RUNDC3B: variants seen among roughly 807,000 people sequenced by gnomAD.
RUNDC3B encodes RUN domain-containing protein 3B.
In RUNDC3B, 33 loss-of-function variants were observed where a neutral mutation model predicts 58.4. That is an observed-to-expected ratio of 0.56 (90% CI 0.43 to 0.75). RUNDC3B has a LOEUF of 0.75. RUNDC3B is among the 30% of genes least tolerant of loss of function. The probability of loss-of-function intolerance (pLI) is 0.00; values close to 1 mark genes in which losing one functional copy is unlikely to be tolerated. For missense variants in RUNDC3B, 501 were observed against 535.7 expected (o/e 0.94, Z 0.64); for synonymous variants, 193 against 195.2 (o/e 0.99, Z 0.10).
At chr7:87,736,855 CTA>C (rs1554479935) in intron 4 of RUNDC3B, among the ~76,000 whole-genome samples, 2,129 of 36,216 alleles carry the variant, frequency 0.059, 136 homozygotes, top group Middle Eastern at 0.095. Context: ...ATATATATAC[CTA>C]TATATATATA....
At chr7:87,774,595 A>G (rs1055960189) in intron 7 of RUNDC3B, among the ~76,000 whole-genome samples, 14 of 152,306 alleles carry the variant, frequency 9.2e-5, no homozygotes, top group African/African-American at 3.4e-4. Flanking sequence ...TAATAATTTT[A>G]TAATACCTTG....
intron 8 of RUNDC3B, among the ~76,000 whole-genome samples, chr7:87,783,764 G>A (rs10226849): frequency 0.11 from 16,108 of 152,052 alleles, 1,072 homozygotes; most frequent in African/African-American, 0.19. Flanking sequence ...TATGAAGCTT[G>A]GTTTGGTGGG....
rs192403611 is a variant in RUNDC3B at position 87,702,100 on chromosome 7, G to A, written c.372+1546G>A. On this transcript the variant is annotated intron_variant, in intron 3 of 10. Coordinates refer to ENST00000394654, the MANE Select transcript of RUNDC3B (RefSeq NM_001134405.2). ...GGAGCTTGCAGTGAGCAGAGATCGC[G>A]CCACTGCACTCCAGCCTGGGCAAAA... 3.2e-3 allele frequency among the ~76,000 whole-genome samples: 366 copies of A among 114,414 alleles called. 2 individuals carry two copies. In the East Asian group the frequency reaches 0.058, roughly 18 times the overall value. The allele number at this position is 114,414 out of a possible 152,430, so 75.1% of individuals were successfully genotyped here.
At chr7:87,645,793 A>G (rs1036667239) in intron 1 of RUNDC3B, among the ~76,000 whole-genome samples, 3 of 152,212 alleles carry the variant, frequency 2.0e-5, no homozygotes, top group Admixed American at 6.5e-5. Context: ...ATGACTAGCT[A>G]TATGATTTTA....
intron 2 of RUNDC3B, among the ~76,000 whole-genome samples, chr7:87,689,302 C>T (rs2130635885): frequency 6.6e-6 from 1 of 151,998 alleles, no homozygotes; most frequent in African/African-American, 2.4e-5. Context: ...GTTCATTTAT[C>T]TGTTTATAGC....
At chr7:87,658,898 G>C (rs529143389) in intron 2 of RUNDC3B, among the ~76,000 whole-genome samples, 18 of 152,242 alleles carry the variant, frequency 1.2e-4, no homozygotes, top group African/African-American at 4.1e-4. Context: ...ATAAAAGAAA[G>C]AACTTTAGGC....
chr7:87,647,508 T>C (rs1823130351), intron 1 of RUNDC3B, among the ~76,000 whole-genome samples: 1 of 152,206 alleles, frequency 6.6e-6, no homozygotes, highest in Non-Finnish European at 1.5e-5. Flanking sequence ...TTTTGGAAAA[T>C]ATAAGTTTCA....
intron 8 of RUNDC3B, among the ~76,000 whole-genome samples, chr7:87,793,912 T>C (rs909355573): frequency 2.0e-5 from 3 of 152,164 alleles, no homozygotes; most frequent in South Asian, 2.1e-4. Context: ...TTGCAGATGA[T>C]ATGATCTTAT....
intron 7 of RUNDC3B, among the ~76,000 whole-genome samples, chr7:87,772,953 G>A (rs1164128919): frequency 6.6e-6 from 1 of 151,916 alleles, no homozygotes; most frequent in Non-Finnish European, 1.5e-5. Flanking sequence ...AGAATTTTAT[G>A]TCAATATCAT....
intron 4 of RUNDC3B, among the ~76,000 whole-genome samples, chr7:87,731,578 A>T (rs1461415960): frequency 6.6e-6 from 1 of 152,224 alleles, no homozygotes; most frequent in Non-Finnish European, 1.5e-5. Flanking sequence ...GGAAAAAGAT[A>T]TTCCATGCCA....
At chr7:87,640,236 AT>A (rs1174641089) in intron 1 of RUNDC3B, among the ~76,000 whole-genome samples, 12 of 150,474 alleles carry the variant, frequency 8.0e-5, no homozygotes, top group Non-Finnish European at 1.5e-4. Flanking sequence ...TTATTACCAT[AT>A]TTTTTTACAG....
At chr7:87,697,145 C>T (rs190730014) in intron 2 of RUNDC3B, among the ~76,000 whole-genome samples, 9 of 152,160 alleles carry the variant, frequency 5.9e-5, no homozygotes, top group Admixed American at 1.3e-4. Context: ...TTCCTTAAAA[C>T]GGAAAATCTT....
chr7:87,716,751 G>A (rs1377853964), intron 4 of RUNDC3B, among the ~76,000 whole-genome samples: 1 of 152,184 alleles, frequency 6.6e-6, no homozygotes, highest in Non-Finnish European at 1.5e-5. Flanking sequence ...AACTGTTACA[G>A]CTGTACATGA....
chr7:87,748,968 G>A (rs551656830), intron 6 of RUNDC3B, among the ~76,000 whole-genome samples: 9 of 152,296 alleles, frequency 5.9e-5, no homozygotes, highest in South Asian at 2.1e-4. Context: ...TTTGGGATAC[G>A]TTGGATTACT....
chr7:87,750,718 A>T (rs898147543), intron 6 of RUNDC3B, among the ~76,000 whole-genome samples: 21 of 149,682 alleles, frequency 1.4e-4, no homozygotes, highest in Admixed American at 1.3e-3. Context: ...CCACTTTTTG[A>T]TGGGGTTGTT....
At chr7:87,669,469 T>C (rs1292647093) in intron 2 of RUNDC3B, among the ~76,000 whole-genome samples, 1 of 152,248 alleles carries the variant, frequency 6.6e-6, no homozygotes, top group African/African-American at 2.4e-5. Context: ...TTAGCCCATT[T>C]ACTTTCAAGG....
intron 4 of RUNDC3B, among the ~76,000 whole-genome samples, chr7:87,712,289 T>C (rs1022744558): frequency 3.3e-5 from 5 of 152,108 alleles, no homozygotes; most frequent in African/African-American, 1.2e-4. Context: ...GAGATGATGA[T>C]AAAACCTTAG....
intron 6 of RUNDC3B, among the ~76,000 whole-genome samples, chr7:87,756,942 A>G (rs1833407881): frequency 6.6e-6 from 1 of 152,184 alleles, no homozygotes; most frequent in South Asian, 2.1e-4. Flanking sequence ...AGCTTTGTCA[A>G]AAATTCTAAC....
chr7:87,700,650 TTTC>T, intron 3 of RUNDC3B, 96 bp downstream of exon 3: 1 of 1,178,492 alleles, frequency 8.5e-7, no homozygotes, highest in South Asian at 1.5e-5. Flanking sequence ...TGAATTTCCT[TTTC>T]TTAAGAAGCA....
Sources: gnomAD v4.1 joint callset for allele counts (sites outside exome capture counted in the v4.1 genomes callset) on GRCh38, gnomAD v4.1.1 for gene constraint, MANE v1.5 for transcripts, NCBI Gene and HGNC (gene_info 2026-07-23, HGNC 2026-07-21) for gene names.